The following ADD3 variants were observed in gnomAD, a reference collection of about 807,000 sequenced individuals.
The protein encoded by ADD3 is gamma-adducin.
In ADD3, 25 loss-of-function variants were observed where a neutral mutation model predicts 80.2. The ratio of observed to expected loss-of-function variants is 0.31; its 90% CI spans 0.23 to 0.44. The LOEUF (loss-of-function observed/expected upper bound fraction) is 0.44, where lower values mean the gene tolerates loss of function less well. Ranked by LOEUF, ADD3 falls within the 20% of genes least tolerant of loss-of-function variation. The probability of loss-of-function intolerance (pLI) is 1.00; values close to 1 mark genes in which losing one functional copy is unlikely to be tolerated. For missense variants in ADD3, 829 were observed against 847.5 expected, an observed-to-expected ratio of 0.98 and a Z score of 0.27; for synonymous variants, 284 against 289.6, an observed-to-expected ratio of 0.98 and a Z score of 0.20.
chr10:110,049,714 C>T (rs1053917578), intron 1 of ADD3, among the ~76,000 whole-genome samples: 5 of 151,998 alleles, frequency 3.3e-5, no homozygotes, highest in African/African-American at 4.8e-5. Flanking sequence ...GGTGAAACCC[C>T]GTCTCTACTA....
At chr10:110,125,467 T>C (rs1425437545) in intron 10 of ADD3, among the ~76,000 whole-genome samples, 4 of 151,992 alleles carry the variant, frequency 2.6e-5, no homozygotes, top group Admixed American at 2.6e-4. Context: ...GCCATCTTCA[T>C]CTGACTGCTG....
chr10:110,131,722 T>C (rs188994448), intron 13 of ADD3, among the ~76,000 whole-genome samples: 41 of 152,382 alleles, frequency 2.7e-4, no homozygotes, highest in African/African-American at 7.9e-4. Flanking sequence ...TTTCTCTGTT[T>C]TTCATATTTT....
chr10:110,082,408 T>C (rs1308132851), intron 1 of ADD3, among the ~76,000 whole-genome samples: 4 of 152,240 alleles, frequency 2.6e-5, no homozygotes, highest in Non-Finnish European at 5.9e-5. Flanking sequence ...GAATGAATTA[T>C]TTTAAACATA....
chr10:110,048,275 A>C (rs977270881), intron 1 of ADD3, among the ~76,000 whole-genome samples: 1 of 152,038 alleles, frequency 6.6e-6, no homozygotes, highest in Admixed American at 6.5e-5. Context: ...CTTTTTCTTT[A>C]TGAACTATCC....
chr10:110,090,106 G>A (rs2501575), intron 1 of ADD3, among the ~76,000 whole-genome samples: 53,515 of 151,682 alleles, frequency 0.35, 14,265 homozygotes, highest in African/African-American at 0.74. Context: ...AATATCCTTC[G>A]TCGTTAGTGA....
intron 1 of ADD3, among the ~76,000 whole-genome samples, chr10:110,027,947 A>G (rs1854503888): frequency 1.3e-5 from 2 of 152,160 alleles, no homozygotes; most frequent in Admixed American, 1.3e-4. Flanking sequence ...GAGCTTGGGT[A>G]GAAAAGGTTG....
chr10:110,102,486 G>A (rs918306280), intron 2 of ADD3, among the ~76,000 whole-genome samples: 2 of 152,080 alleles, frequency 1.3e-5, no homozygotes, highest in African/African-American at 2.4e-5. Context: ...GTGTGAGTCC[G>A]TAGTCTCATA....
intron 1 of ADD3, among the ~76,000 whole-genome samples, chr10:110,009,793 AGAAGAAACGG>A (rs1315673806): frequency 1.3e-5 from 2 of 152,242 alleles, no homozygotes; most frequent in Admixed American, 6.5e-5. Context: ...TAGTTTTTAA[AGAAGAAACGG>A]GTGTATCTAT....
At chr10:110,001,525 A>T (rs1436067680), upstream of ADD3, among the ~76,000 whole-genome samples, 1 of 152,188 alleles carries the variant, frequency 6.6e-6, no homozygotes, top group Non-Finnish European at 1.5e-5. Context: ...TCTCTTTCAC[A>T]TAATGAAACG....
At chr10:110,118,858 C>T in intron 6 of ADD3, 122 bp downstream of exon 6, 1 of 1,038,246 alleles carries the variant, frequency 9.6e-7, no homozygotes, top group South Asian at 1.8e-5. Context: ...AATCTGCATA[C>T]CCAGAAAGCA....
At chr10:110,126,184 G>A (rs1206551161) in intron 11 of ADD3, among the ~76,000 whole-genome samples, 1 of 152,122 alleles carries the variant, frequency 6.6e-6, no homozygotes, top group Non-Finnish European at 1.5e-5. Flanking sequence ...CCTGCTATTA[G>A]GGGGAAAATG....
intron 10 of ADD3, 106 bp downstream of exon 10, chr10:110,124,380 A>T: frequency 1.6e-6 from 2 of 1,284,112 alleles, no homozygotes; most frequent in Non-Finnish European, 2.1e-6. Context: ...ATAATATTAA[A>T]AATATTACTG....
At chr10:110,081,092 A>G (rs557528181) in intron 1 of ADD3, among the ~76,000 whole-genome samples, 17 of 152,296 alleles carry the variant, frequency 1.1e-4, no homozygotes, top group African/African-American at 2.6e-4. Flanking sequence ...TTCTTGGCCA[A>G]TAAGGTAGGA....
upstream of ADD3, among the ~76,000 whole-genome samples, chr10:110,007,209 A>C (rs1199496739): frequency 1.3e-5 from 2 of 152,128 alleles, no homozygotes; most frequent in Non-Finnish European, 2.9e-5. Flanking sequence ...GAGCTCTCAT[A>C]AGGTTCAGAG....
At chr10:110,044,255 T>G (rs1856680286) in intron 1 of ADD3, among the ~76,000 whole-genome samples, 1 of 152,230 alleles carries the variant, frequency 6.6e-6, no homozygotes, top group South Asian at 2.1e-4. Context: ...AACTTCTGAT[T>G]CTATAAATGA....
At chr10:110,053,279 T>C (rs1053578536) in intron 1 of ADD3, among the ~76,000 whole-genome samples, 2 of 151,910 alleles carry the variant, frequency 1.3e-5, no homozygotes, top group Non-Finnish European at 2.9e-5. Flanking sequence ...CAGTTTCTGC[T>C]TGGGTATAAT....
intron 10 of ADD3, among the ~76,000 whole-genome samples, chr10:110,125,138 T>C (rs914913535): frequency 1.1e-4 from 16 of 152,350 alleles, no homozygotes; most frequent in African/African-American, 3.4e-4. Flanking sequence ...TAAGATTTCT[T>C]GCCTCCCAGT....
intron 1 of ADD3, among the ~76,000 whole-genome samples, chr10:110,054,853 A>T (rs1041494671): frequency 1.3e-5 from 2 of 151,844 alleles, no homozygotes; most frequent in African/African-American, 2.4e-5. Flanking sequence ...TGACCTCGTG[A>T]TCTGCCCACC....
chr10:110,069,318 C>G (rs1844388247), intron 1 of ADD3, among the ~76,000 whole-genome samples: 1 of 152,094 alleles, frequency 6.6e-6, no homozygotes, highest in South Asian at 2.1e-4. Flanking sequence ...GTGGAAGCAT[C>G]TTAAACATTA....
Sources: allele counts gnomAD v4.1 joint callset (sites outside exome capture counted in the v4.1 genomes callset), GRCh38; gene constraint gnomAD v4.1.1; transcripts MANE v1.5; gene names NCBI Gene and HGNC (gene_info 2026-07-23, HGNC 2026-07-21).